RAP1B: variants seen among roughly 807,000 people sequenced by gnomAD.
RAP1B encodes ras-related protein Rap-1b.
RAP1B carries 1 observed loss-of-function variant against 27.5 expected under a neutral mutation model. The observed-to-expected ratio is 0.04, with a 90% CI of 0.01 to 0.17. The LOEUF (loss-of-function observed/expected upper bound fraction) is 0.17. RAP1B is among the 10% of genes least tolerant of loss of function. The pLI is 1.00. For synonymous variants in RAP1B, 75 were observed against 73.1 expected (o/e 1.03, Z -0.13); for missense variants, 84 against 214.8 (o/e 0.39, Z 3.81).
At chr12:68,638,082 A>G (rs746059122) in intron 1 of RAP1B, among the ~76,000 whole-genome samples, 1 of 152,210 alleles carries the variant, frequency 6.6e-6, no homozygotes, top group Non-Finnish European at 1.5e-5. Context: ...GGATTAAAGC[A>G]GTCTTTAAAG....
chr12:68,612,922 C>T (rs1184349585), intron 1 of RAP1B, among the ~76,000 whole-genome samples: 1 of 152,190 alleles, frequency 6.6e-6, no homozygotes, highest in Non-Finnish European at 1.5e-5. Context: ...CGTGAAGCTG[C>T]CTTATCTAAG....
chr12:68,634,178 T>C (rs879312685), intron 1 of RAP1B, among the ~76,000 whole-genome samples: 14 of 152,222 alleles, frequency 9.2e-5, no homozygotes, highest in Non-Finnish European at 2.9e-5. Flanking sequence ...TAGATAGATA[T>C]AATTTTAAAA....
At chr12:68,611,457 C>T (rs1870578580) in intron 1 of RAP1B, among the ~76,000 whole-genome samples, 6 of 151,534 alleles carry the variant, frequency 4.0e-5, no homozygotes. Context: ...AGCCCCCTCG[C>T]TTGTCGCCTG....
At chr12:68,611,379 T>G (rs1209929664) in intron 1 of RAP1B, among the ~76,000 whole-genome samples, 4 of 108,670 alleles carry the variant, frequency 3.7e-5, no homozygotes, top group East Asian at 3.2e-4. Context: ...TCAGCCCGCG[T>G]CCGCCGCAGC....
chr12:68,655,752 T>C (rs182232314), intron 5 of RAP1B, among the ~76,000 whole-genome samples: 2 of 152,264 alleles, frequency 1.3e-5, no homozygotes, highest in Admixed American at 1.3e-4. Context: ...GCCAGGCTGG[T>C]CTCCAACTCC....
At position 68,663,678 on chromosome 12, in the gene RAP1B, C is replaced by T. The variant is rs1874725015; in HGVS notation, c.*4429C>T. The T allele has an allele frequency of 6.6e-6, 1 of 152,184 alleles. No homozygotes were observed. The allele number at this position is 152,184 out of a possible 1,614,324, so 9.4% of individuals were successfully genotyped here. ...CTTCTTAAAACATCCCTGTTGGTGG[C>T]CTGTAGGTTACTGACCTTAGGAATT... On this transcript the variant is annotated 3_prime_UTR_variant, in exon 8 of 8. Transcript: ENST00000250559.
chr12:68,615,736 GTAAT>G (rs1377742668), intron 1 of RAP1B, among the ~76,000 whole-genome samples: 1 of 151,962 alleles, frequency 6.6e-6, no homozygotes, highest in African/African-American at 2.4e-5. Flanking sequence ...AAGCTTACTT[GTAAT>G]TACTTTTACT....
rs1236918521 is a variant in RAP1B, at chr12:68,670,438, C to T, written c.*11189C>T. On this transcript the variant is annotated 3_prime_UTR_variant, in exon 8 of 8. Transcript: ENST00000250559. The stretch of plus-strand genomic sequence containing the variant: ...ACTAGAAATCTAGAGATAGGGTAGA[C>T]CTTCTTAGCTAATTTTTAAAAATGA... 6.6e-6 allele frequency: 1 copy of T among 152,018 alleles called. No individual in the cohort carries two copies. Among genetic ancestry groups the T allele is most frequent in the Admixed American group, 6.6e-5 (1 of 15,258 alleles). The allele number at this position is 152,018 out of a possible 1,614,324, so 9.4% of individuals were successfully genotyped here.
intron 7 of RAP1B, among the ~76,000 whole-genome samples, chr12:68,658,700 T>G (rs906836330): frequency 2.0e-5 from 3 of 152,250 alleles, no homozygotes; most frequent in African/African-American, 7.2e-5. Flanking sequence ...AATTAGAAAT[T>G]ATATAACGTG....
At chr12:68,646,219 GT>G (rs1456666445) in intron 1 of RAP1B, among the ~76,000 whole-genome samples, 2 of 151,656 alleles carry the variant, frequency 1.3e-5, no homozygotes, top group African/African-American at 4.8e-5. Context: ...TAGTTTTTAT[GT>G]TGTTTCGGTC....
rs1874496401 is a variant in RAP1B, at chr12:68,659,779, G to A, written c.*530G>A. ...CAAAATAAGCGCTTTGATTAACACAGCTATATAGTTTTTTTAATTTTTAAA... is the reference window on the plus strand; with the variant it reads ...CAAAATAAGCGCTTTGATTAACACAACTATATAGTTTTTTTAATTTTTAAA... On this transcript the variant is annotated 3_prime_UTR_variant, in exon 8 of 8. Transcript: ENST00000250559. 2 of 152,268 alleles carry A rather than the reference G, an allele frequency of 1.3e-5. No homozygotes were observed. The highest frequency in any genetic ancestry group is 6.6e-5 in the Admixed American group (1 of 15,256). The allele number at this position is 152,268 out of a possible 1,614,324, so 9.4% of individuals were successfully genotyped here. A position where few individuals can be genotyped will look rare whatever the true frequency, so the allele number is the denominator to read the frequency against.
chr12:68,622,477 C>T (rs796683451), intron 1 of RAP1B, among the ~76,000 whole-genome samples: 17 of 152,336 alleles, frequency 1.1e-4, no homozygotes, highest in African/African-American at 4.1e-4. Flanking sequence ...CCCCATTACT[C>T]ACTAAGCTCT....
At chr12:68,657,923 T>C in intron 7 of RAP1B, among the ~76,000 whole-genome samples, 1 of 152,130 alleles carries the variant, frequency 6.6e-6, no homozygotes, top group Non-Finnish European at 1.5e-5. Context: ...CTTTTTTTTT[T>C]TTCCTTCAAC....
At chr12:68,654,579 G>T (rs370198062) in intron 5 of RAP1B, among the ~76,000 whole-genome samples, 1 of 151,274 alleles carries the variant, frequency 6.6e-6, no homozygotes, top group Non-Finnish European at 1.5e-5. Flanking sequence ...CCGGGTTCAC[G>T]CCATTCTCCT....
chr12:68,627,274 A>C, intron 1 of RAP1B: 4 of 911,238 alleles, frequency 4.4e-6, no homozygotes, highest in Non-Finnish European at 7.2e-6. Context: ...ATACAATACA[A>C]CACACAGGCT....
chr12:68,639,296 C>T (rs1872833372), intron 1 of RAP1B, among the ~76,000 whole-genome samples: 1 of 152,080 alleles, frequency 6.6e-6, no homozygotes, highest in South Asian at 2.1e-4. Context: ...AGTATTTCCC[C>T]TTTCCCTCAT....
chr12:68,647,957 T>C (rs932153364), intron 1 of RAP1B: 1 of 152,198 alleles, frequency 6.6e-6, no homozygotes, highest in African/African-American at 2.4e-5. Context: ...GTTGCTACCT[T>C]TGTACCACTT....
At chr12:68,638,634 AT>A (rs955719542) in intron 1 of RAP1B, among the ~76,000 whole-genome samples, 3 of 152,182 alleles carry the variant, frequency 2.0e-5, no homozygotes, top group Non-Finnish European at 2.9e-5. Flanking sequence ...AGTGCAATTT[AT>A]TTTTTTATAG....
chr12:68,640,695 T>A (rs1157202764), intron 1 of RAP1B, among the ~76,000 whole-genome samples: 2 of 152,244 alleles, frequency 1.3e-5, no homozygotes, highest in African/African-American at 4.8e-5. Flanking sequence ...TTTTTTAGAA[T>A]AATTCTTGTT....
Sources: gnomAD v4.1 joint callset for allele counts (sites outside exome capture counted in the v4.1 genomes callset) on GRCh38, gnomAD v4.1.1 for gene constraint, MANE v1.5 for transcripts, NCBI Gene and HGNC (gene_info 2026-07-23, HGNC 2026-07-21) for gene names.